The following SRGAP1 variants were observed in gnomAD, a reference collection of about 807,000 sequenced individuals.
The protein encoded by SRGAP1 is SLIT-ROBO Rho GTPase activating protein 1, also known as SLIT-ROBO Rho GTPase-activating protein 1.
In SRGAP1, 43 loss-of-function variants were observed where a neutral mutation model predicts 121.9. The observed-to-expected ratio is 0.35, with a 90% CI of 0.28 to 0.46. The LOEUF (loss-of-function observed/expected upper bound fraction) is 0.46, where lower values mean the gene tolerates loss of function less well. Ranked by LOEUF, SRGAP1 falls within the 20% of genes least tolerant of loss-of-function variation. The probability of loss-of-function intolerance (pLI) is 1.00; values close to 1 mark genes in which losing one functional copy is unlikely to be tolerated. For missense variants in SRGAP1, 1,102 were observed against 1,350.9 expected, an observed-to-expected ratio of 0.82 and a Z score of 2.89; for synonymous variants, 447 against 485.4, an observed-to-expected ratio of 0.92 and a Z score of 1.04.
intron 1 of SRGAP1, among the ~76,000 whole-genome samples, chr12:63,932,203 C>T (rs548579459): frequency 7.2e-5 from 11 of 152,252 alleles, no homozygotes; most frequent in African/African-American, 2.6e-4. Flanking sequence ...ATGCCGTGAA[C>T]CCGGGAGGCA....
chr12:63,925,242 C>A (rs2031215800), intron 1 of SRGAP1, among the ~76,000 whole-genome samples: 1 of 152,210 alleles, frequency 6.6e-6, no homozygotes, highest in Non-Finnish European at 1.5e-5. Context: ...GGTGAATCTA[C>A]TGCTGACATT....
intron 15 of SRGAP1, among the ~76,000 whole-genome samples, chr12:64,101,295 G>A (rs373783894): frequency 2.0e-5 from 3 of 147,560 alleles, no homozygotes; most frequent in South Asian, 2.2e-4. Context: ...TTTTTGGATT[G>A]TTTGGGGAAA....
chr12:64,040,296 C>G (rs2034988395), intron 4 of SRGAP1, among the ~76,000 whole-genome samples: 1 of 152,118 alleles, frequency 6.6e-6, no homozygotes, highest in Non-Finnish European at 1.5e-5. Context: ...TGAGAAAAAT[C>G]AAATTCATTA....
intron 1 of SRGAP1, among the ~76,000 whole-genome samples, chr12:63,962,551 G>A (rs1453296040): frequency 6.6e-6 from 1 of 152,066 alleles, no homozygotes; most frequent in East Asian, 1.9e-4. Context: ...GGGATTACAG[G>A]CGCCTGCCAC....
At chr12:64,086,496 C>T (rs1049016030) in intron 10 of SRGAP1, among the ~76,000 whole-genome samples, 2 of 152,054 alleles carry the variant, frequency 1.3e-5, no homozygotes, top group African/African-American at 4.8e-5. Flanking sequence ...TTTCTGATTA[C>T]AGAATACAGC....
intron 3 of SRGAP1, among the ~76,000 whole-genome samples, chr12:64,003,023 T>TGAGAGAGAGA (rs141854046): frequency 3.7e-5 from 4 of 106,820 alleles, no homozygotes; most frequent in Non-Finnish European, 5.5e-5. Context: ...TGTATGTGAG[T>TGAGAGAGAGA]GAGAGAGAGA....
In SRGAP1 at chr12:63,912,607, C is replaced by CTT. The variant is rs2030552899; in HGVS notation, c.67+67724_67+67725insTT. On this transcript the variant is annotated intron_variant, in intron 1 of 21. Transcript: ENST00000355086. ...CCAGCCTGGGTGATGGAACAAGACT[C>CTT]CATTTTAAAAGAAAGAAAAAAAAAA... Among the ~76,000 whole-genome samples, 5 of 144,226 alleles carry CTT rather than the reference C, an allele frequency of 3.5e-5. No homozygotes were observed. In the South Asian group the frequency reaches 1.2e-3, roughly 34 times the overall value. 94.6% of individuals were successfully genotyped at this position (144,226 alleles called of 152,430 possible).
At chr12:63,989,297 G>C (rs573359189) in intron 2 of SRGAP1, among the ~76,000 whole-genome samples, 2 of 152,286 alleles carry the variant, frequency 1.3e-5, no homozygotes, top group African/African-American at 2.4e-5. Context: ...GTTTCAACAG[G>C]ACATGTGACA....
At chr12:64,011,230 C>T (rs78323921) in intron 3 of SRGAP1, among the ~76,000 whole-genome samples, 280 of 152,054 alleles carry the variant, frequency 1.8e-3, no homozygotes, top group Admixed American at 4.6e-3. Context: ...ATGTAGCAAG[C>T]CTTTCAACAA....
intron 1 of SRGAP1, among the ~76,000 whole-genome samples, chr12:63,871,513 A>G (rs1171830920): frequency 3.3e-5 from 5 of 152,216 alleles, no homozygotes; most frequent in Admixed American, 6.5e-5. Context: ...AGTTTTCTAC[A>G]GTTACCGCCA....
intron 12 of SRGAP1, chr12:64,091,848 C>T: frequency 1.1e-5 from 16 of 1,497,840 alleles, no homozygotes; most frequent in Non-Finnish European, 1.4e-5. Context: ...GCTGTGTTTA[C>T]TCTTCGTCTT....
intron 1 of SRGAP1, among the ~76,000 whole-genome samples, chr12:63,962,726 A>G (rs2032678119): frequency 6.6e-6 from 1 of 152,084 alleles, no homozygotes; most frequent in South Asian, 2.1e-4. Flanking sequence ...CTGATTTTCT[A>G]ATTCTCATTA....
chr12:64,059,599 A>G (rs1462501405), intron 6 of SRGAP1, among the ~76,000 whole-genome samples: 4 of 152,118 alleles, frequency 2.6e-5, no homozygotes, highest in Non-Finnish European at 4.4e-5. Flanking sequence ...ACACTGGTAC[A>G]TCTAAAAAAA....
chr12:63,989,870 T>C (rs2033507692), intron 2 of SRGAP1, 40 bp from the exon 3 acceptor site: 1 of 1,559,028 alleles, frequency 6.4e-7, no homozygotes, highest in Non-Finnish European at 8.7e-7. Context: ...TTGGGGCAAC[T>C]TTGAAATGGG....
At chr12:63,965,545 C>T (rs1592988602) in intron 1 of SRGAP1, among the ~76,000 whole-genome samples, 1 of 152,092 alleles carries the variant, frequency 6.6e-6, no homozygotes, top group East Asian at 1.9e-4. Context: ...GTAGCTCACA[C>T]CTATAATCCC....
intron 8 of SRGAP1, among the ~76,000 whole-genome samples, chr12:64,068,122 A>T (rs951508863): frequency 1.3e-5 from 2 of 151,762 alleles, no homozygotes; most frequent in African/African-American, 4.8e-5. Flanking sequence ...CTACTAAAAT[A>T]TGAAAAATTA....
intron 21 of SRGAP1, among the ~76,000 whole-genome samples, chr12:64,134,676 C>G (rs1028130169): frequency 2.0e-5 from 3 of 151,974 alleles, no homozygotes; most frequent in Admixed American, 6.6e-5. Context: ...CTATTAGAAC[C>G]TTTTTTAACT....
chr12:63,969,051 G>A (rs1445514169), intron 1 of SRGAP1, among the ~76,000 whole-genome samples: 1 of 152,162 alleles, frequency 6.6e-6, no homozygotes, highest in African/African-American at 2.4e-5. Flanking sequence ...GAAAGCTTTT[G>A]GTCTTCTTGA....
chr12:64,100,054 T>C (rs2036229046), intron 15 of SRGAP1, among the ~76,000 whole-genome samples: 1 of 152,174 alleles, frequency 6.6e-6, no homozygotes, highest in Admixed American at 6.5e-5. Flanking sequence ...ATAGAGTCTA[T>C]GTGAAGAATA....
Sources: gnomAD v4.1 joint callset for allele counts (sites outside exome capture counted in the v4.1 genomes callset) on GRCh38, gnomAD v4.1.1 for gene constraint, MANE v1.5 for transcripts, NCBI Gene and HGNC (gene_info 2026-07-23, HGNC 2026-07-21) for gene names.